Variants in OSBPL8 observed in about 807,000 individuals in gnomAD.
OSBPL8 encodes oxysterol-binding protein-related protein 8.
A neutral mutation model predicts 125.5 loss-of-function variants in OSBPL8; 59 were observed. The ratio of observed to expected loss-of-function variants is 0.47; its 90% confidence interval spans 0.38 to 0.58. OSBPL8 has a LOEUF of 0.58. Among genes scored for constraint, OSBPL8 ranks in the 20% least tolerant of loss-of-function variants. The pLI is 0.00. For synonymous variants in OSBPL8, 330 were observed against 338.9 expected (o/e 0.97, Z 0.29); for missense variants, 758 against 1,047.8 (o/e 0.72, Z 3.82).
intron 18 of OSBPL8, among the ~76,000 whole-genome samples, chr12:76,373,048 T>C (rs991249431): frequency 2.9e-4 from 44 of 152,276 alleles, no homozygotes; most frequent in Admixed American, 1.3e-3. Flanking sequence ...ACTCACCTCA[T>C]AGCGTTATAT....
chr12:76,356,150 G>T, intron 23 of OSBPL8, 129 bp from the exon 24 acceptor site: 1 of 167,184 alleles, frequency 6.0e-6, no homozygotes, highest in Non-Finnish European at 1.1e-5. Context: ...GTCATGGGGT[G>T]GTATGTAGGG....
chr12:76,505,952 G>A (rs1880371049), intron 1 of OSBPL8, among the ~76,000 whole-genome samples: 1 of 152,172 alleles, frequency 6.6e-6, no homozygotes. Flanking sequence ...GATCATTTGG[G>A]CTACTAATTG....
chr12:76,394,143 CATTATTA>C (rs1953692895), intron 9 of OSBPL8, among the ~76,000 whole-genome samples: 1 of 152,018 alleles, frequency 6.6e-6, no homozygotes, highest in Admixed American at 6.6e-5. Flanking sequence ...GGACAAAATC[CATTATTA>C]ATTATTAAGA....
intron 1 of OSBPL8, among the ~76,000 whole-genome samples, chr12:76,538,343 A>G (rs1032366756): frequency 1.3e-5 from 2 of 152,230 alleles, no homozygotes; most frequent in Admixed American, 6.5e-5. Context: ...CTAAAAGTAT[A>G]TATTTATTCC....
At chr12:76,393,775 G>T (rs1953671121) in intron 9 of OSBPL8, among the ~76,000 whole-genome samples, 1 of 144,828 alleles carries the variant, frequency 6.9e-6, no homozygotes, top group South Asian at 2.2e-4. Flanking sequence ...TGTAACCCCA[G>T]CACTTTGGGA....
At chr12:76,505,190 C>G (rs1880293301) in intron 1 of OSBPL8, among the ~76,000 whole-genome samples, 7 of 152,134 alleles carry the variant, frequency 4.6e-5, no homozygotes, top group Admixed American at 4.6e-4. Flanking sequence ...TTCATCTGGG[C>G]AGCTGGCAAG....
chr12:76,531,586 A>T (rs1361887946), intron 1 of OSBPL8, among the ~76,000 whole-genome samples: 1 of 152,212 alleles, frequency 6.6e-6, no homozygotes. Flanking sequence ...ATATACAAAC[A>T]GGAAACAATT....
chr12:76,414,707 C>T (rs1868408918), intron 4 of OSBPL8, among the ~76,000 whole-genome samples: 1 of 151,928 alleles, frequency 6.6e-6, no homozygotes, highest in African/African-American at 2.4e-5. Context: ...CCCACCTCAA[C>T]CTCCCAAAGT....
At chr12:76,518,003 G>A (rs376375821) in intron 1 of OSBPL8, among the ~76,000 whole-genome samples, 3 of 152,054 alleles carry the variant, frequency 2.0e-5, no homozygotes, top group South Asian at 2.1e-4. Context: ...TTCTGCTGGC[G>A]CCACTAATCT....
chr12:76,366,899 T>C (rs747731571), intron 21 of OSBPL8, among the ~76,000 whole-genome samples: 3 of 152,092 alleles, frequency 2.0e-5, no homozygotes, highest in African/African-American at 7.2e-5. Context: ...CAGGTTCACA[T>C]GATTCTCATG....
chr12:76,432,347 A>C (rs1388354724), intron 4 of OSBPL8, among the ~76,000 whole-genome samples: 1 of 152,128 alleles, frequency 6.6e-6, no homozygotes, highest in African/African-American at 2.4e-5. Flanking sequence ...GCACTTTGGG[A>C]GGCAGGAGAA....
intron 21 of OSBPL8, among the ~76,000 whole-genome samples, chr12:76,363,337 G>C (rs970641838): frequency 5.3e-5 from 8 of 152,238 alleles, no homozygotes; most frequent in African/African-American, 1.9e-4. Flanking sequence ...ACAGAACAGA[G>C]GCCTCAGAAA....
chr12:76,558,179 A>G (rs1951166903), intron 1 of OSBPL8, among the ~76,000 whole-genome samples: 1 of 152,202 alleles, frequency 6.6e-6, no homozygotes, highest in Non-Finnish European at 1.5e-5. Flanking sequence ...TTTTATAGAG[A>G]ACAGTTTTAA....
chr12:76,541,928 T>C (rs1025452101), intron 1 of OSBPL8, among the ~76,000 whole-genome samples: 11 of 152,070 alleles, frequency 7.2e-5, no homozygotes, highest in Admixed American at 3.9e-4. Flanking sequence ...TCCCAGCACT[T>C]TGGGAGGCCA....
chr12:76,366,462 G>T, intron 21 of OSBPL8: 3 of 326,056 alleles, frequency 9.2e-6, no homozygotes, highest in South Asian at 2.6e-5. Flanking sequence ...ATGGTTTATC[G>T]ATTTTGTTGA....
chr12:76,518,330 G>A (rs1052215478), intron 1 of OSBPL8, among the ~76,000 whole-genome samples: 4 of 152,218 alleles, frequency 2.6e-5, no homozygotes, highest in African/African-American at 4.8e-5. Context: ...CCTTGTGTGA[G>A]GGGTGGGCTC....
intron 4 of OSBPL8, 89 bp downstream of exon 4, chr12:76,450,762 T>C: frequency 7.6e-7 from 1 of 1,317,728 alleles, no homozygotes. Context: ...AGAAAAAAAA[T>C]ATGATAGTCC....
chr12:76,431,465 AAT>A (rs545108097), intron 4 of OSBPL8, among the ~76,000 whole-genome samples: 41 of 152,272 alleles, frequency 2.7e-4, no homozygotes, highest in Admixed American at 2.0e-3. Context: ...AATCAAAAGA[AAT>A]AGAGTCACTG....
rs750744693 is a variant in OSBPL8, at chr12:76,507,673, C to T, written c.-67-20055G>A. Reference sequence around the variant, plus strand: ...CATCTCTTCCAAAAATACAAAAAAACTTGGCTGGGCGTGGTGGTGCATGCC... The same window carrying T: ...CATCTCTTCCAAAAATACAAAAAAATTTGGCTGGGCGTGGTGGTGCATGCC... On this transcript the variant is annotated intron_variant, in intron 1 of 23. Transcript: ENST00000261183. Among the ~76,000 whole-genome samples the T allele has an allele frequency of 1.7e-4, 25 of 150,566 alleles. 2 individuals are homozygous for T. Among genetic ancestry groups the T allele is most frequent in the Admixed American group, 5.9e-4 (9 of 15,140 alleles).
Sources: allele counts gnomAD v4.1 joint callset (sites outside exome capture counted in the v4.1 genomes callset), GRCh38; gene constraint gnomAD v4.1.1; transcripts MANE v1.5; gene names NCBI Gene and HGNC (gene_info 2026-07-23, HGNC 2026-07-21).